Variants in PLCB4 observed in about 807,000 individuals in gnomAD.
PLCB4 encodes phospholipase C beta 4, also known as 1-phosphatidylinositol 4,5-bisphosphate phosphodiesterase beta-4.
A neutral mutation model predicts 178.8 loss-of-function variants in PLCB4; 77 were observed. The observed-to-expected ratio is 0.43, with a 90% CI of 0.36 to 0.52. PLCB4 has a LOEUF of 0.52. PLCB4 is among the 20% of genes least tolerant of loss of function. The pLI is 0.00. For synonymous variants in PLCB4, 496 were observed against 490.8 expected, an observed-to-expected ratio of 1.01 and a Z score of -0.14; for missense variants, 1,024 against 1,453.4, an observed-to-expected ratio of 0.70 and a Z score of 4.80.
At chr20:9,171,909 T>G (rs1464671462) in intron 2 of PLCB4, among the ~76,000 whole-genome samples, 2 of 152,180 alleles carry the variant, frequency 1.3e-5, no homozygotes, top group Non-Finnish European at 2.9e-5. Flanking sequence ...GGCAGAGTGC[T>G]TGCAGAGGCC....
intron 2 of PLCB4, among the ~76,000 whole-genome samples, chr20:9,155,130 T>C (rs751063445): frequency 6.6e-4 from 96 of 144,752 alleles, no homozygotes; most frequent in Non-Finnish European, 8.9e-4. Context: ...GTCTGTAAAG[T>C]CCATTATATC....
intron 2 of PLCB4, among the ~76,000 whole-genome samples, chr20:9,133,115 G>T (rs764401107): frequency 6.6e-6 from 1 of 152,078 alleles, no homozygotes; most frequent in Non-Finnish European, 1.5e-5. Flanking sequence ...GCTCATACTT[G>T]TCATGTATGC....
chr20:9,160,281 C>T (rs992294012), intron 2 of PLCB4, among the ~76,000 whole-genome samples: 6 of 152,056 alleles, frequency 3.9e-5, no homozygotes, highest in South Asian at 2.1e-4. Flanking sequence ...AACCAGAGCT[C>T]GTTAGAAGTG....
chr20:9,432,739 C>T (rs968678348), intron 28 of PLCB4, among the ~76,000 whole-genome samples: 13 of 152,148 alleles, frequency 8.5e-5, no homozygotes, highest in East Asian at 7.7e-4. Context: ...ATCCTGATGA[C>T]GATGAGAAAG....
chr20:9,152,377 G>C (rs531895747), intron 2 of PLCB4, among the ~76,000 whole-genome samples: 1 of 152,130 alleles, frequency 6.6e-6, no homozygotes, highest in South Asian at 2.1e-4. Flanking sequence ...TTCATGGGCC[G>C]GGCCCAGTGT....
At chr20:9,249,047 T>G (rs751440780) in intron 3 of PLCB4, among the ~76,000 whole-genome samples, 11 of 152,094 alleles carry the variant, frequency 7.2e-5, no homozygotes, top group Non-Finnish European at 1.2e-4. Flanking sequence ...AACCATCAAG[T>G]CTTTCTTACA....
intron 9 of PLCB4, among the ~76,000 whole-genome samples, chr20:9,369,836 C>T (rs1345200334): frequency 1.3e-5 from 2 of 152,142 alleles, no homozygotes; most frequent in Non-Finnish European, 2.9e-5. Context: ...AGTACAAAAA[C>T]GCTGGGCATG....
At chr20:9,273,576 G>A (rs2094424810) in intron 3 of PLCB4, among the ~76,000 whole-genome samples, 1 of 151,972 alleles carries the variant, frequency 6.6e-6, no homozygotes, top group Non-Finnish European at 1.5e-5. Context: ...GCTAAGTCAT[G>A]GATGATGGGT....
chr20:9,390,943 A>G (rs2038089704), intron 17 of PLCB4, among the ~76,000 whole-genome samples: 1 of 152,142 alleles, frequency 6.6e-6, no homozygotes, highest in Non-Finnish European at 1.5e-5. Context: ...AACTGTTAAA[A>G]ACACCTGTGC....
At chr20:9,134,187 G>C (rs1216187828) in intron 2 of PLCB4, among the ~76,000 whole-genome samples, 2 of 152,114 alleles carry the variant, frequency 1.3e-5, no homozygotes, top group Admixed American at 6.5e-5. Flanking sequence ...TGGTCTTCCT[G>C]AGTTTCAGAA....
At position 9,409,043 on chromosome 20, in the gene PLCB4, T is replaced by C. The variant is rs2039671948; in HGVS notation, c.1875-14T>C. 1.9e-6 allele frequency: 3 copies of C among 1,607,376 alleles called. No homozygotes were observed. Among genetic ancestry groups the C allele is most frequent in the Non-Finnish European group, 1.7e-6 (2 of 1,178,330 alleles). On this transcript the variant is annotated splice_polypyrimidine_tract_variant and intron_variant, in intron 23 of 39. Coordinates refer to ENST00000378473, the MANE Select transcript of PLCB4 (RefSeq NM_001377142.1). ...GTAGGACTCTTTTTTTCTGTTTTCC[T>C]TAATAAGTTACAGTTATAACAAACG...
chr20:9,299,115 C>G (rs995951134), intron 3 of PLCB4, among the ~76,000 whole-genome samples: 3 of 151,966 alleles, frequency 2.0e-5, no homozygotes, highest in African/African-American at 7.2e-5. Flanking sequence ...TGTGAAGGCT[C>G]CCATTGTACA....
intron 21 of PLCB4, among the ~76,000 whole-genome samples, chr20:9,406,787 G>A (rs1306486663): frequency 2.0e-5 from 3 of 152,062 alleles, no homozygotes; most frequent in Non-Finnish European, 4.4e-5. Context: ...GAGCCACTGC[G>A]CCCAGCATCT....
At position 9,191,880 on chromosome 20, in the gene PLCB4, GTT is replaced by G. The variant is rs11475371; in HGVS notation, c.-78-25496_-78-25495del. On this transcript the variant is annotated intron_variant, in intron 2 of 39. Transcript: ENST00000378473. Reference sequence around the variant, plus strand: ...GTCCAGATATTAATTCATTCTGTATGTTTTTTTTTTTTTTTAAATATACACAT... The same window carrying G: ...GTCCAGATATTAATTCATTCTGTATGTTTTTTTTTTTTTAAATATACACAT... Among the ~76,000 whole-genome samples, 529 of 140,700 alleles carry G rather than the reference GTT, an allele frequency of 3.8e-3. 2 individuals carry two copies. The highest frequency in any genetic ancestry group is 0.011 in the African/African-American group (427 of 38,948). The allele number at this position is 140,700 out of a possible 152,430, so 92.3% of individuals were successfully genotyped here.
chr20:9,434,357 GTTATT>G (rs1381721217), intron 28 of PLCB4, among the ~76,000 whole-genome samples: 2 of 152,090 alleles, frequency 1.3e-5, no homozygotes, highest in Non-Finnish European at 2.9e-5. Flanking sequence ...ATGTGCAGAT[GTTATT>G]TTATTTTATT....
chr20:9,282,850 C>A (rs977099774), intron 3 of PLCB4, among the ~76,000 whole-genome samples: 1 of 151,956 alleles, frequency 6.6e-6, no homozygotes, highest in Non-Finnish European at 1.5e-5. Flanking sequence ...ACTGAGACTT[C>A]TATGTGGCCT....
chr20:9,255,524 G>GTTT (rs747482352), intron 3 of PLCB4, among the ~76,000 whole-genome samples: 3 of 132,108 alleles, frequency 2.3e-5, no homozygotes, highest in African/African-American at 5.5e-5. Flanking sequence ...TTTGAACTTA[G>GTTT]TTTTTTTTTT....
intron 4 of PLCB4, among the ~76,000 whole-genome samples, chr20:9,336,236 G>A (rs1464180127): frequency 2.6e-5 from 4 of 152,032 alleles, no homozygotes; most frequent in Non-Finnish European, 5.9e-5. Context: ...CAGTCAGAGG[G>A]CACAGGACAT....
intron 2 of PLCB4, among the ~76,000 whole-genome samples, chr20:9,195,608 C>G (rs770517364): frequency 5.9e-5 from 9 of 152,136 alleles, no homozygotes; most frequent in Non-Finnish European, 8.8e-5. Context: ...TGCCCTTGGA[C>G]ATCGGTGCTC....
Sources: gnomAD v4.1 joint callset for allele counts (sites outside exome capture counted in the v4.1 genomes callset) on GRCh38, gnomAD v4.1.1 for gene constraint, MANE v1.5 for transcripts, NCBI Gene and HGNC (gene_info 2026-07-23, HGNC 2026-07-21) for gene names.